Variants in C3orf20 observed in about 807,000 individuals in gnomAD.
C3orf20 encodes uncharacterized protein C3orf20.
C3orf20 carries 76 observed loss-of-function variants against 88.3 expected under a neutral mutation model. That is an observed-to-expected ratio of 0.86 (90% CI 0.72 to 1.04). The LOEUF is 1.04. C3orf20 is among the 50% of genes least tolerant of loss of function. The pLI is 0.00. For synonymous variants in C3orf20, 436 were observed against 437.4 expected, an observed-to-expected ratio of 1.00 and a Z score of 0.04; for missense variants, 1,056 against 1,123.3, an observed-to-expected ratio of 0.94 and a Z score of 0.86.
At chr3:14,760,878 G>GA in intron 14 of C3orf20, among the ~76,000 whole-genome samples, 1 of 152,252 alleles carries the variant, frequency 6.6e-6, no homozygotes, top group Non-Finnish European at 1.5e-5. Flanking sequence ...AAAGTGAAGA[G>GA]TCTGTCATTT....
intron 13 of C3orf20, among the ~76,000 whole-genome samples, chr3:14,759,482 G>T (rs1040362607): frequency 6.6e-6 from 1 of 152,136 alleles, no homozygotes; most frequent in African/African-American, 2.4e-5. Context: ...GGTAGGGAGT[G>T]GGGGAATTCT....
intron 10 of C3orf20, among the ~76,000 whole-genome samples, chr3:14,724,089 G>A (rs530404350): frequency 2.3e-4 from 35 of 152,218 alleles, no homozygotes; most frequent in Non-Finnish European, 4.7e-4. Flanking sequence ...AAAGTGCTGG[G>A]ATTACAGGCG....
intron 15 of C3orf20, among the ~76,000 whole-genome samples, chr3:14,763,956 G>A (rs2035629973): frequency 6.6e-6 from 1 of 152,112 alleles, no homozygotes; most frequent in African/African-American, 2.4e-5. Context: ...GTTCAGGAAT[G>A]GTGAGGAAAG....
At position 14,726,966 on chromosome 3, in the gene C3orf20, C is replaced by G; in HGVS notation, c.1632C>G (p.Ile544Met). ...AGATGAGCCGAGCCCTGGCTGAGAT[C>G]AAGAAGCGGTTTCAGAAGACAGTGA... ...VYKMSRALAE[I>M]KKRFQKTVTQ... The change falls in exon 11 of 17, where the codon ATC becomes ATG. Residue 544 changes from isoleucine to methionine, a missense_variant. Physicochemically the swap from Ile to Met is conservative, Grantham distance 10. Transcript: ENST00000253697. The G allele has an allele frequency of 1.2e-6, 2 of 1,614,196 alleles. No individual in the cohort carries two copies. The highest frequency in any genetic ancestry group is 2.2e-5 in the South Asian group (2 of 91,078).
In C3orf20 at chr3:14,728,528, C is replaced by T; in HGVS notation, c.1780C>T (p.Pro594Ser). The T allele has an allele frequency of 6.2e-7, 1 of 1,614,168 alleles. No homozygotes were observed. Among genetic ancestry groups the T allele is most frequent in the Non-Finnish European group, 8.5e-7 (1 of 1,180,042 alleles). ...ATCCAGAACTCATCCCGAGCGGCTC[C>T]CCAAGCTAAGTTTATACTCAGGAGA... The part of the protein sequence containing the change: ...MRSRTHPERL[P>S]KLSLYSGESL... Residue 594 changes from proline to serine, a missense_variant, in exon 12 of 17, where the codon CCC becomes TCC. Coordinates refer to ENST00000253697, the MANE Select transcript of C3orf20 (RefSeq NM_032137.5).
chr3:14,742,860 T>C (rs925546115), intron 12 of C3orf20, among the ~76,000 whole-genome samples: 5 of 152,190 alleles, frequency 3.3e-5, no homozygotes, highest in South Asian at 2.1e-4. Context: ...TCTCATGAGA[T>C]TTATTCACTA....
chr3:14,732,657 C>T (rs1028583908), intron 12 of C3orf20, among the ~76,000 whole-genome samples: 3 of 152,160 alleles, frequency 2.0e-5, no homozygotes, highest in Non-Finnish European at 2.9e-5. Context: ...ACTGCCATCT[C>T]GTGAGTTGAG....
rs904820692 is a variant in C3orf20, at chr3:14,684,477, A to G, written c.625+95A>G. On this transcript the variant is annotated intron_variant, in intron 4 of 16. Coordinates refer to ENST00000253697, the MANE Select transcript of C3orf20 (RefSeq NM_032137.5). ...AAAACCCCCAGTTTGAAGGTTTGACATTTCCAAGAATTGAGGTGGATGTGG... is the reference window on the plus strand; with the variant it reads ...AAAACCCCCAGTTTGAAGGTTTGACGTTTCCAAGAATTGAGGTGGATGTGG... The G allele has an allele frequency of 8.2e-6, 12 of 1,471,102 alleles. No individual in the cohort carries two copies. The Admixed American group carries it at 1.1e-4, about 13-fold the overall frequency. 91.1% of individuals were successfully genotyped at this position (1,471,102 alleles called of 1,614,324 possible).
intron 13 of C3orf20, 149 bp from the exon 14 acceptor site, chr3:14,759,742 C>T: frequency 1.5e-6 from 1 of 665,804 alleles, no homozygotes. Flanking sequence ...CATGCAGGCC[C>T]AAGGGCCCCT....
At chr3:14,715,484 A>G in intron 9 of C3orf20, 75 bp downstream of exon 9, 1 of 1,530,506 alleles carries the variant, frequency 6.5e-7, no homozygotes, top group South Asian at 1.3e-5. Flanking sequence ...CCTGCCATGC[A>G]CTGCCTAGCA....
rs2035890188 is a variant in C3orf20, at chr3:14,772,560, C to A, written c.2631-231C>A. Among the ~76,000 whole-genome samples, 1 of 152,236 alleles carries A rather than the reference C, an allele frequency of 6.6e-6. No individual in the cohort carries two copies. Among genetic ancestry groups the A allele is most frequent in the South Asian group, 2.1e-4 (1 of 4,830 alleles). ...GTGCTGGTAACCATGAAATGAATCACACATTCGGCATGGCGTGGAAATCAC... is the reference window on the plus strand; with the variant it reads ...GTGCTGGTAACCATGAAATGAATCAAACATTCGGCATGGCGTGGAAATCAC... On this transcript the variant is annotated intron_variant, in intron 16 of 16. Coordinates refer to ENST00000253697, the MANE Select transcript of C3orf20 (RefSeq NM_032137.5). This position sits in a 1 kb window ranked among gnomAD's most constrained non-coding sequence, Gnocchi z 4.2.
chr3:14,681,707 A>G (rs945599129), intron 1 of C3orf20, among the ~76,000 whole-genome samples: 5 of 152,206 alleles, frequency 3.3e-5, no homozygotes, highest in Admixed American at 1.3e-4. Context: ...AATTTGATAT[A>G]TTATTAAAGA....
chr3:14,710,052 T>C (rs897672306), intron 7 of C3orf20, among the ~76,000 whole-genome samples: 1 of 152,156 alleles, frequency 6.6e-6, no homozygotes, highest in Non-Finnish European at 1.5e-5. Flanking sequence ...ACTTGCTATA[T>C]ACTTCTATTT....
chr3:14,723,865 G>A (rs945628845), intron 10 of C3orf20, among the ~76,000 whole-genome samples: 3 of 151,114 alleles, frequency 2.0e-5, no homozygotes, highest in Non-Finnish European at 2.9e-5. Flanking sequence ...CTTGTCTGTC[G>A]CCCAGACTGG....
At chr3:14,770,341 G>C (rs1300781449) in intron 15 of C3orf20, among the ~76,000 whole-genome samples, 1 of 152,164 alleles carries the variant, frequency 6.6e-6, no homozygotes, top group Non-Finnish European at 1.5e-5. Flanking sequence ...TCTGAGGCCC[G>C]GTCTCGGCAT....
rs2035305282 is a variant in C3orf20, at chr3:14,754,433, A to G, written c.1941-2938A>G. Among the ~76,000 whole-genome samples, 6 of 152,240 alleles carry G rather than the reference A, an allele frequency of 3.9e-5. No individual in the cohort carries two copies. The South Asian group carries it at 1.0e-3, about 26-fold the overall frequency. The stretch of plus-strand genomic sequence containing the variant: ...AGGTGCACCAGGAACAGGGGCTGTC[A>G]TTCCATGGATGCTACTGAGCAGGGC... On this transcript the variant is annotated intron_variant, in intron 12 of 16. Coordinates refer to ENST00000253697, the MANE Select transcript of C3orf20 (RefSeq NM_032137.5).
intron 6 of C3orf20, 79 bp from the exon 7 acceptor site, chr3:14,704,258 C>A: frequency 6.8e-7 from 1 of 1,472,048 alleles, no homozygotes. Context: ...GTCTTGGGCA[C>A]TAAGGAGGGG....
At chr3:14,737,183 T>G (rs185739374) in intron 12 of C3orf20, among the ~76,000 whole-genome samples, 2 of 152,334 alleles carry the variant, frequency 1.3e-5, no homozygotes, top group Admixed American at 1.3e-4. Context: ...TCTCAGCTAT[T>G]ATTTCATTAA....
chr3:14,694,946 A>C (rs1420275279), intron 5 of C3orf20, among the ~76,000 whole-genome samples: 1 of 152,076 alleles, frequency 6.6e-6, no homozygotes, highest in Non-Finnish European at 1.5e-5. Context: ...ATGCACCACT[A>C]TGCCTGGGTA....
Sources: gnomAD v4.1 joint callset for allele counts (sites outside exome capture counted in the v4.1 genomes callset) on GRCh38, gnomAD v4.1.1 for gene constraint, Gnocchi (gnomAD v3.1) non-coding constraint, MANE v1.5 for transcripts, NCBI Gene and HGNC (gene_info 2026-07-23, HGNC 2026-07-21) for gene names.